DLGAP2: variants seen among roughly 807,000 people sequenced by gnomAD.
DLGAP2 encodes DLG associated protein 2.
In DLGAP2, 26 loss-of-function variants were observed where a neutral mutation model predicts 100.3. That is an observed-to-expected ratio of 0.26 (90% CI 0.19 to 0.36). The LOEUF (loss-of-function observed/expected upper bound fraction) is 0.36. DLGAP2 is among the 10% of genes least tolerant of loss of function. DLGAP2 has a pLI of 1.00. For synonymous variants in DLGAP2, 886 were observed against 630.1 expected (o/e 1.41, Z -6.08); for missense variants, 1,858 against 1,453.2 (o/e 1.28, Z -4.53).
intron 1 of DLGAP2, among the ~76,000 whole-genome samples, chr8:874,824 G>T (rs1401095127): frequency 6.6e-6 from 1 of 152,084 alleles, no homozygotes; most frequent in Non-Finnish European, 1.5e-5. Context: ...AAAGTCTTCG[G>T]CTATTGTTGA....
At chr8:1,201,172 C>T (rs1797864683) in intron 2 of DLGAP2, among the ~76,000 whole-genome samples, 1 of 152,208 alleles carries the variant, frequency 6.6e-6, no homozygotes. Flanking sequence ...GCTGAAGCCG[C>T]TGCGTAGGGA....
At chr8:1,576,962 G>C (rs1212082397) in intron 6 of DLGAP2, among the ~76,000 whole-genome samples, 1 of 152,154 alleles carries the variant, frequency 6.6e-6, no homozygotes, top group Non-Finnish European at 1.5e-5. Flanking sequence ...ACATCGCCAA[G>C]ACAATCCTAA....
At chr8:1,153,033 C>G (rs1167111645) in intron 2 of DLGAP2, among the ~76,000 whole-genome samples, 2 of 152,204 alleles carry the variant, frequency 1.3e-5, no homozygotes, top group Non-Finnish European at 2.9e-5. Flanking sequence ...TTTACTCATG[C>G]TTAAGATTCT....
intron 3 of DLGAP2, among the ~76,000 whole-genome samples, chr8:1,454,354 C>T (rs1563159214): frequency 6.6e-6 from 1 of 151,182 alleles, no homozygotes; most frequent in Non-Finnish European, 1.5e-5. Flanking sequence ...TCCTCTGTAA[C>T]GTTTTTTTTT....
chr8:1,518,818 A>G (rs778811504), intron 4 of DLGAP2, among the ~76,000 whole-genome samples: 5 of 152,224 alleles, frequency 3.3e-5, no homozygotes, highest in Non-Finnish European at 5.9e-5. Flanking sequence ...GTCTTTGGCT[A>G]CTGGAAATGA....
chr8:1,538,088 G>A (rs1252975333), intron 4 of DLGAP2, among the ~76,000 whole-genome samples: 1 of 152,166 alleles, frequency 6.6e-6, no homozygotes, highest in Non-Finnish European at 1.5e-5. Context: ...GCAGGGCTCG[G>A]GGCTGCTGAT....
chr8:1,616,074 T>C (rs780254025), intron 6 of DLGAP2, among the ~76,000 whole-genome samples: 2 of 152,132 alleles, frequency 1.3e-5, no homozygotes, highest in Non-Finnish European at 2.9e-5. Context: ...AAGAGACAAA[T>C]TGAATTTTCA....
At chr8:1,277,292 A>G (rs1274971499) in intron 3 of DLGAP2, among the ~76,000 whole-genome samples, 1 of 152,152 alleles carries the variant, frequency 6.6e-6, no homozygotes, top group Non-Finnish European at 1.5e-5. Flanking sequence ...TAGCCCCCCC[A>G]GTTATTTGGT....
intron 2 of DLGAP2, among the ~76,000 whole-genome samples, chr8:925,896 T>A (rs1163531944): frequency 2.0e-5 from 3 of 152,142 alleles, no homozygotes; most frequent in African/African-American, 7.2e-5. Flanking sequence ...GTATTTTAAT[T>A]AATTAATTCA....
In DLGAP2 at chr8:1,703,814, T is replaced by G. The variant is rs1191530719; in HGVS notation, c.*2408T>G. ...TGTTATTTTTCAATCCCCAAAAGTC[T>G]TGGCCTAAACCATCCCTAGGGGAGC... On this transcript the variant is annotated 3_prime_UTR_variant, in exon 15 of 15. Transcript: ENST00000637795. 1 of 152,638 alleles carries G rather than the reference T, an allele frequency of 6.6e-6. No homozygotes were observed. Among genetic ancestry groups the G allele is most frequent in the East Asian group, 1.9e-4 (1 of 5,200 alleles). The allele number at this position is 152,638 out of a possible 1,614,324, so 9.5% of individuals were successfully genotyped here.
chr8:737,645 G>T lies in DLGAP2; in HGVS notation c.-163G>T, dbSNP rs1369306315. 2.8e-6 allele frequency: 1 copy of T among 351,236 alleles called. No homozygotes were observed. 21.8% of individuals were successfully genotyped at this position (351,236 alleles called of 1,614,324 possible). Reference sequence around the variant, plus strand: ...GGCCGTGAAGACCGACCGTGCGCCGGGCTCGAGCGCGGTCTGAGCGCGCGG... The same window carrying T: ...GGCCGTGAAGACCGACCGTGCGCCGTGCTCGAGCGCGGTCTGAGCGCGCGG... On this transcript the variant is annotated 5_prime_UTR_variant, in exon 1 of 15. Transcript: ENST00000637795.
chr8:1,246,469 C>G (rs1490890408), intron 2 of DLGAP2, among the ~76,000 whole-genome samples: 1 of 152,206 alleles, frequency 6.6e-6, no homozygotes, highest in Non-Finnish European at 1.5e-5. Context: ...TCTCCTCAGC[C>G]TCCTCTCACT....
intron 3 of DLGAP2, among the ~76,000 whole-genome samples, chr8:1,294,234 G>T (rs542622739): frequency 4.6e-5 from 7 of 152,280 alleles, no homozygotes; most frequent in Non-Finnish European, 1.0e-4. Flanking sequence ...CAGGTTACAG[G>T]CCTTTCACAA....
chr8:1,423,407 C>G (rs1053054855), intron 3 of DLGAP2, among the ~76,000 whole-genome samples: 3 of 152,178 alleles, frequency 2.0e-5, no homozygotes, highest in African/African-American at 7.2e-5. Context: ...GTTTGCATTT[C>G]CCACCACATC....
chr8:1,418,062 T>C (rs1036064189), intron 3 of DLGAP2, among the ~76,000 whole-genome samples: 3 of 152,184 alleles, frequency 2.0e-5, no homozygotes, highest in Admixed American at 6.5e-5. Context: ...TGCAAGAATA[T>C]TGTTATCTCA....
At chr8:1,692,849 T>A (rs1272067802) in intron 13 of DLGAP2, among the ~76,000 whole-genome samples, 1 of 150,366 alleles carries the variant, frequency 6.7e-6, no homozygotes, top group African/African-American at 2.4e-5. Context: ...TATATTTACA[T>A]ATACTTACAT....
intron 2 of DLGAP2, among the ~76,000 whole-genome samples, chr8:1,253,082 C>T (rs953266639): frequency 1.3e-5 from 2 of 152,192 alleles, no homozygotes; most frequent in African/African-American, 2.4e-5. Context: ...CGCCCACGCC[C>T]GGGCCTGTCC....
At position 746,048 on chromosome 8, in the gene DLGAP2, T is replaced by C. The variant is rs1820610735; in HGVS notation, c.18+8223T>C. On this transcript the variant is annotated intron_variant, in intron 1 of 14. Coordinates refer to ENST00000637795, the MANE Select transcript of DLGAP2 (RefSeq NM_001346810.2). Reference sequence around the variant, plus strand: ...GCCCCCGTCACCCAGGCCTCCTTACTGGTGCCTGAACTTCAGTGATGGTCC... The same window carrying C: ...GCCCCCGTCACCCAGGCCTCCTTACCGGTGCCTGAACTTCAGTGATGGTCC... 2.0e-5 allele frequency among the ~76,000 whole-genome samples: 3 copies of C among 152,182 alleles called. No individual in the cohort carries two copies. In the South Asian group the frequency reaches 6.2e-4, roughly 32 times the overall value.
At chr8:1,167,738 C>A (rs1409783074) in intron 2 of DLGAP2, among the ~76,000 whole-genome samples, 3 of 152,114 alleles carry the variant, frequency 2.0e-5, no homozygotes, top group Non-Finnish European at 2.9e-5. Flanking sequence ...CATCAGCATC[C>A]ATTCAGTTGA....
Sources: gnomAD v4.1 joint callset for allele counts (sites outside exome capture counted in the v4.1 genomes callset) on GRCh38, gnomAD v4.1.1 for gene constraint, MANE v1.5 for transcripts, NCBI Gene and HGNC (gene_info 2026-07-23, HGNC 2026-07-21) for gene names.